Variants in ELMO1 observed in about 807,000 individuals in gnomAD.
The protein encoded by ELMO1 is engulfment and cell motility 1.
In ELMO1, 26 loss-of-function variants were observed where a neutral mutation model predicts 98.9. That is an observed-to-expected ratio of 0.26 (90% CI 0.19 to 0.36). The LOEUF (loss-of-function observed/expected upper bound fraction) is 0.36. Ranked by LOEUF, ELMO1 falls within the 10% of genes least tolerant of loss-of-function variation. ELMO1 has a pLI of 1.00. For synonymous variants in ELMO1, 346 were observed against 346.0 expected (o/e 1.00, Z 0.00); for missense variants, 627 against 935.2 (o/e 0.67, Z 4.30).
chr7:37,374,216 C>G (rs1802233140), intron 1 of ELMO1, among the ~76,000 whole-genome samples: 1 of 152,188 alleles, frequency 6.6e-6, no homozygotes, highest in Admixed American at 6.5e-5. Flanking sequence ...GCCAGTGAGT[C>G]CTAGCTGAAC....
intron 13 of ELMO1, among the ~76,000 whole-genome samples, chr7:37,142,985 C>T (rs2129310440): frequency 6.6e-6 from 1 of 152,296 alleles, no homozygotes; most frequent in Non-Finnish European, 1.5e-5. Flanking sequence ...CACCCCTCCA[C>T]AGGCATTCAT....
chr7:37,079,131 G>A (rs1001735642), intron 15 of ELMO1, among the ~76,000 whole-genome samples: 2 of 152,096 alleles, frequency 1.3e-5, no homozygotes, highest in African/African-American at 2.4e-5. Context: ...ATAGGTCTCC[G>A]TCTTCATCAA....
At chr7:37,224,798 A>T (rs1350844483) in intron 9 of ELMO1, 81 bp downstream of exon 9, 2 of 1,548,014 alleles carry the variant, frequency 1.3e-6, no homozygotes, top group Non-Finnish European at 1.8e-6. Flanking sequence ...AAACTATAAC[A>T]ACATAAAACG....
intron 13 of ELMO1, among the ~76,000 whole-genome samples, chr7:37,169,073 G>C (rs927205771): frequency 6.6e-6 from 1 of 152,078 alleles, no homozygotes; most frequent in African/African-American, 2.4e-5. Flanking sequence ...CCTCGCTGCC[G>C]ACTTGCAGTT....
At chr7:37,316,720 A>C (rs1363477077) in intron 2 of ELMO1, among the ~76,000 whole-genome samples, 1 of 152,312 alleles carries the variant, frequency 6.6e-6, no homozygotes, top group East Asian at 1.9e-4. Flanking sequence ...TAGGATGGGG[A>C]GTATCATGTC....
intron 16 of ELMO1, among the ~76,000 whole-genome samples, chr7:36,982,392 C>T (rs953652392): frequency 1.3e-5 from 2 of 152,134 alleles, no homozygotes; most frequent in African/African-American, 4.8e-5. Context: ...TAAAATAATA[C>T]ATATCATTAA....
rs371403472 is a variant in ELMO1 at position 37,090,545 on chromosome 7, G to C, written c.1300+6074C>G. On this transcript the variant is annotated intron_variant, in intron 15 of 21. Transcript: ENST00000310758. ...TCAAACCCTCTGCATTAACTACATGGAACTAGAATCCCTTGAACCTCCAGG... is the reference window on the plus strand; with the variant it reads ...TCAAACCCTCTGCATTAACTACATGCAACTAGAATCCCTTGAACCTCCAGG... Among the ~76,000 whole-genome samples, 131 of 152,202 alleles carry C rather than the reference G, an allele frequency of 8.6e-4. 1 individual carries two copies. The South Asian group carries it at 0.026, about 31-fold the overall frequency.
intron 16 of ELMO1, among the ~76,000 whole-genome samples, chr7:37,012,519 C>T (rs929517982): frequency 1.3e-5 from 2 of 152,182 alleles, no homozygotes; most frequent in South Asian, 4.1e-4. Flanking sequence ...ATTAAAAGTA[C>T]TAAAGGCTGC....
intron 13 of ELMO1, among the ~76,000 whole-genome samples, chr7:37,199,167 A>G (rs146403412): frequency 6.6e-5 from 10 of 152,352 alleles, no homozygotes; most frequent in African/African-American, 1.9e-4. Context: ...CTGTCTCTTC[A>G]CCTGGTGTTC....
chr7:36,973,033 G>A (rs768991640), intron 16 of ELMO1, among the ~76,000 whole-genome samples: 25 of 152,066 alleles, frequency 1.6e-4, no homozygotes, highest in Non-Finnish European at 2.5e-4. Context: ...TACCTACCTC[G>A]GCCTCCCAAA....
chr7:37,216,638 T>C lies in ELMO1; in HGVS notation c.831+7A>G. 1 of 1,614,062 alleles carries C rather than the reference T, an allele frequency of 6.2e-7. No individual in the cohort carries two copies. The highest frequency in any genetic ancestry group is 1.7e-4 in the Middle Eastern group (1 of 6,058). ...CCACAAAGAGGTCACAGCGCATAGG[T>C]ACTCACTGTTAAAATGATGGAACGC... On this transcript the variant is annotated splice_region_variant and intron_variant, in intron 11 of 21. Transcript: ENST00000310758.
At chr7:36,993,124 T>C (rs970631581) in intron 16 of ELMO1, among the ~76,000 whole-genome samples, 4 of 152,044 alleles carry the variant, frequency 2.6e-5, no homozygotes, top group Non-Finnish European at 5.9e-5. Flanking sequence ...AGGCAGTCAA[T>C]TCCAGGGAGG....
At chr7:37,445,815 G>A (rs917912026) in intron 1 of ELMO1, among the ~76,000 whole-genome samples, 9 of 152,212 alleles carry the variant, frequency 5.9e-5, no homozygotes, top group African/African-American at 9.6e-5. Context: ...AGCAGAATGG[G>A]ACACAGTAGA....
rs1209543899 is a variant in ELMO1 at position 36,853,530 on chromosome 7, GTTAATAACATCGAAGC to G, written c.*2005_*2020del. Among the ~76,000 whole-genome samples the G allele has an allele frequency of 2.6e-5, 4 of 152,224 alleles. No individual in the cohort carries two copies. Among genetic ancestry groups the G allele is most frequent in the African/African-American group, 9.6e-5 (4 of 41,468 alleles). On this transcript the variant is annotated 3_prime_UTR_variant, in exon 22 of 22. Transcript: ENST00000310758. Reference sequence around the variant, plus strand: ...TAACTGCTCCTGATAGCAAGTACATGTTAATAACATCGAAGCTTAATGATCAAGGAATTAACAGCTT... The same window carrying G: ...TAACTGCTCCTGATAGCAAGTACATGTTAATGATCAAGGAATTAACAGCTT...
At chr7:37,371,853 C>G (rs906644111) in intron 1 of ELMO1, among the ~76,000 whole-genome samples, 2 of 152,126 alleles carry the variant, frequency 1.3e-5, no homozygotes, top group Non-Finnish European at 2.9e-5. Context: ...GAAGAGCAGC[C>G]GATTTCCGTT....
chr7:37,099,104 A>G (rs1562999784), intron 14 of ELMO1, among the ~76,000 whole-genome samples: 2 of 152,248 alleles, frequency 1.3e-5, no homozygotes, highest in Admixed American at 6.5e-5. Context: ...TTAAGTAATC[A>G]ATATGTAAAT....
Position 37,260,134 on chromosome 7 carries a change from C to A in ELMO1, c.244-784G>T, listed in dbSNP as rs1030884475. Among the ~76,000 whole-genome samples, 7 of 152,286 alleles carry A rather than the reference C, an allele frequency of 4.6e-5. No homozygotes were observed. In the East Asian group the frequency reaches 9.6e-4, roughly 21 times the overall value. On this transcript the variant is annotated intron_variant, in intron 5 of 21. Coordinates refer to ENST00000310758, the MANE Select transcript of ELMO1 (RefSeq NM_014800.11). ...AGTCAAGGTTTTCATATCTACCTTT[C>A]ACTTGAGGCAGGCAGTAAGAAAAAC...
chr7:37,208,845 G>A (rs1482947466), intron 13 of ELMO1, among the ~76,000 whole-genome samples: 1 of 151,942 alleles, frequency 6.6e-6, no homozygotes, highest in Non-Finnish European at 1.5e-5. Context: ...GAAGTTGCAG[G>A]GGAATAACTA....
At chr7:37,191,974 G>A (rs984226549) in intron 13 of ELMO1, among the ~76,000 whole-genome samples, 1 of 152,198 alleles carries the variant, frequency 6.6e-6, no homozygotes, top group African/African-American at 2.4e-5. Context: ...CAGGTGTACT[G>A]AGGACACATG....
Sources: allele counts gnomAD v4.1 joint callset (sites outside exome capture counted in the v4.1 genomes callset), GRCh38; gene constraint gnomAD v4.1.1; transcripts MANE v1.5; gene names NCBI Gene and HGNC (gene_info 2026-07-23, HGNC 2026-07-21).